LRRTM3: variants seen among roughly 807,000 people sequenced by gnomAD.
LRRTM3 encodes leucine rich repeat transmembrane neuronal 3.
LRRTM3 carries 24 observed loss-of-function variants against 44.7 expected under a neutral mutation model. The observed-to-expected ratio is 0.54, with a 90% CI of 0.39 to 0.76. The LOEUF (loss-of-function observed/expected upper bound fraction) is 0.76. Ranked by LOEUF, LRRTM3 falls within the 30% of genes least tolerant of loss-of-function variation. LRRTM3 has a pLI of 0.00. For synonymous variants in LRRTM3, 277 were observed against 278.7 expected (o/e 0.99, Z 0.06); for missense variants, 587 against 702.2 (o/e 0.84, Z 1.85).
intron 2 of LRRTM3, among the ~76,000 whole-genome samples, chr10:67,074,178 A>G (rs1429255682): frequency 6.6e-6 from 1 of 150,732 alleles, no homozygotes; most frequent in African/African-American, 2.4e-5. Context: ...GACTATAGGC[A>G]CGTGCCACCA....
chr10:67,011,138 G>A (rs1225411842), intron 2 of LRRTM3, among the ~76,000 whole-genome samples: 1 of 152,018 alleles, frequency 6.6e-6, no homozygotes, highest in Admixed American at 6.6e-5. Flanking sequence ...GACCATCCTG[G>A]CTAACACGGT....
intron 2 of LRRTM3, among the ~76,000 whole-genome samples, chr10:66,983,304 G>C (rs1202443238): frequency 1.3e-5 from 2 of 152,070 alleles, no homozygotes; most frequent in Non-Finnish European, 2.9e-5. Flanking sequence ...ATCAGGAGCT[G>C]GCATAAGACC....
rs546414603 is a variant in LRRTM3, at chr10:66,943,955, G to A, written c.1536+15503G>A. On this transcript the variant is annotated intron_variant, in intron 2 of 2. Transcript: ENST00000361320. ...TTTAGAGAATCACAATCTTTTTGCT[G>A]GTGTAGGGTCTTTCCTTGATGTTGA... 3.3e-5 allele frequency among the ~76,000 whole-genome samples: 5 copies of A among 152,284 alleles called. No homozygotes were observed. In the South Asian group the frequency reaches 8.3e-4, roughly 25 times the overall value.
intron 2 of LRRTM3, among the ~76,000 whole-genome samples, chr10:67,063,667 T>A (rs1855895481): frequency 6.6e-6 from 1 of 152,188 alleles, no homozygotes; most frequent in Non-Finnish European, 1.5e-5. Context: ...GAATAAATAC[T>A]TAGACACCTA....
chr10:66,977,469 T>C (rs538522320), intron 2 of LRRTM3, among the ~76,000 whole-genome samples: 2 of 151,808 alleles, frequency 1.3e-5, no homozygotes, highest in South Asian at 4.2e-4. Context: ...TCATATGATA[T>C]GACCCTCAGC....
At chr10:67,084,954 T>A (rs554705789) in intron 2 of LRRTM3, among the ~76,000 whole-genome samples, 2 of 152,052 alleles carry the variant, frequency 1.3e-5, no homozygotes, top group South Asian at 2.1e-4. Flanking sequence ...GCCTTGTATG[T>A]TATAAATATC....
chr10:66,936,604 G>T (rs1169440898), intron 2 of LRRTM3, among the ~76,000 whole-genome samples: 1 of 152,084 alleles, frequency 6.6e-6, no homozygotes, highest in African/African-American at 2.4e-5. Context: ...AAGTCACAGG[G>T]TCAGTTTCAT....
intron 2 of LRRTM3, among the ~76,000 whole-genome samples, chr10:67,076,801 G>GA (rs1856771565): frequency 6.6e-6 from 1 of 152,100 alleles, no homozygotes; most frequent in Non-Finnish European, 1.5e-5. Context: ...CTTACCTTTA[G>GA]AAAAATGCTC....
At chr10:67,088,820 T>G (rs1485616934) in intron 2 of LRRTM3, among the ~76,000 whole-genome samples, 2 of 152,016 alleles carry the variant, frequency 1.3e-5, no homozygotes, top group East Asian at 3.9e-4. Context: ...TTATATTGAG[T>G]TCCTGCCTTA....
intron 2 of LRRTM3, among the ~76,000 whole-genome samples, chr10:66,960,243 A>G (rs1849041973): frequency 6.6e-6 from 1 of 152,154 alleles, no homozygotes; most frequent in African/African-American, 2.4e-5. Flanking sequence ...GTTCATTTTT[A>G]GTTTAATTAC....
chr10:66,978,552 A>AAATAAAAAATAAAAAAATATATATATAT, intron 2 of LRRTM3, among the ~76,000 whole-genome samples: 1 of 37,866 alleles, frequency 2.6e-5, no homozygotes, highest in Non-Finnish European at 4.8e-5. Flanking sequence ...AAAAAAAAAA[A>AAATAAAAAATAAAAAAATATATATATAT]ATATATATAT....
chr10:66,935,685 A>G (rs534965450), intron 2 of LRRTM3, among the ~76,000 whole-genome samples: 10 of 152,122 alleles, frequency 6.6e-5, no homozygotes, highest in African/African-American at 2.4e-4. Flanking sequence ...ATGTGAAGAT[A>G]TTTTGGTATA....
chr10:66,934,386 T>C (rs17231553), intron 2 of LRRTM3, among the ~76,000 whole-genome samples: 25,408 of 151,990 alleles, frequency 0.17, 2,214 homozygotes, highest in Middle Eastern at 0.18. Flanking sequence ...CACCAAAAAA[T>C]GTCTTCCTTT....
intron 2 of LRRTM3, among the ~76,000 whole-genome samples, chr10:66,960,363 T>A (rs1849046161): frequency 6.6e-6 from 1 of 152,138 alleles, no homozygotes; most frequent in African/African-American, 2.4e-5. Context: ...TGACTACACA[T>A]CTAGCTGTCA....
intron 2 of LRRTM3, among the ~76,000 whole-genome samples, chr10:66,987,139 C>T (rs185617744): frequency 6.6e-6 from 1 of 152,248 alleles, no homozygotes; most frequent in Admixed American, 6.5e-5. Context: ...TCTAGAGCCA[C>T]GTGCGTAGGT....
At chr10:67,061,401 T>C (rs1485345123) in intron 2 of LRRTM3, among the ~76,000 whole-genome samples, 2 of 152,180 alleles carry the variant, frequency 1.3e-5, no homozygotes, top group Non-Finnish European at 2.9e-5. Flanking sequence ...TTTTTAGATG[T>C]GGTATCAGAG....
At position 66,976,670 on chromosome 10, in the gene LRRTM3, G is replaced by A. The variant is rs1331357772; in HGVS notation, c.1536+48218G>A. Among the ~76,000 whole-genome samples the A allele has an allele frequency of 2.0e-5, 3 of 151,982 alleles. No homozygotes were observed. In the East Asian group the frequency reaches 5.8e-4, roughly 29 times the overall value. On this transcript the variant is annotated intron_variant, in intron 2 of 2. Coordinates refer to ENST00000361320, the MANE Select transcript of LRRTM3 (RefSeq NM_178011.5). The stretch of plus-strand genomic sequence containing the variant: ...CTTACTTTTCCAATCTTATTTTCAT[G>A]ACTTTTCTGCCACACTGATCTATTT...
chr10:66,948,193 C>T (rs1359084945), intron 2 of LRRTM3, among the ~76,000 whole-genome samples: 1 of 152,146 alleles, frequency 6.6e-6, no homozygotes, highest in Non-Finnish European at 1.5e-5. Context: ...GGGCTCTTCT[C>T]GAAATTCTCA....
intron 2 of LRRTM3, among the ~76,000 whole-genome samples, chr10:66,950,240 A>T (rs1442037265): frequency 6.6e-6 from 1 of 152,020 alleles, no homozygotes; most frequent in Non-Finnish European, 1.5e-5. Context: ...TTCAACTCTA[A>T]TTGTATATTA....
Sources: gnomAD v4.1 joint callset for allele counts (sites outside exome capture counted in the v4.1 genomes callset) on GRCh38, gnomAD v4.1.1 for gene constraint, MANE v1.5 for transcripts, NCBI Gene and HGNC (gene_info 2026-07-23, HGNC 2026-07-21) for gene names.